The following KALRN variants were observed in gnomAD, a reference collection of about 807,000 sequenced individuals.
KALRN encodes kalirin RhoGEF kinase.
KALRN carries 70 observed loss-of-function variants against 353.7 expected under a neutral mutation model. The observed-to-expected ratio is 0.20, with a 90% CI of 0.16 to 0.24. The LOEUF (loss-of-function observed/expected upper bound fraction) is 0.24, where lower values mean the gene tolerates loss of function less well. KALRN is among the 10% of genes least tolerant of loss of function. The pLI is 1.00. For missense variants in KALRN, 2,791 were observed against 3,756.7 expected, an observed-to-expected ratio of 0.74 and a Z score of 6.72; for synonymous variants, 1,391 against 1,434.8, an observed-to-expected ratio of 0.97 and a Z score of 0.69.
intron 1 of KALRN, among the ~76,000 whole-genome samples, chr3:124,184,485 C>A (rs1241990423): frequency 3.9e-5 from 6 of 152,148 alleles, no homozygotes; most frequent in African/African-American, 1.4e-4. Flanking sequence ...TGATCCCCAG[C>A]CTCTTCCCCT....
At chr3:124,401,506 G>GA (rs1035224811) in intron 13 of KALRN, among the ~76,000 whole-genome samples, 28 of 152,012 alleles carry the variant, frequency 1.8e-4, no homozygotes, top group African/African-American at 6.5e-4. Flanking sequence ...CCCTGTCTCA[G>GA]AAAAAAATAA....
chr3:124,446,777 C>T lies in KALRN; in HGVS notation c.3444C>T (p.Ile1148=). ...TCCTCCCATAGGCGCTTGACTGGAT[C>T]CAAGAAACAGGTGAATTTTACCTCT... is the stretch of plus-strand genomic sequence containing the variant. The part of the protein sequence containing the change: ...ERSAKQALDW[I]QETGEFYLST... Residue 1148 remains isoleucine (I), a synonymous_variant, in exon 21 of 60, where the codon ATC becomes ATT. Coordinates refer to ENST00000682506, the MANE Select transcript of KALRN (RefSeq NM_001388419.1). 1 of 1,614,046 alleles carries T rather than the reference C, an allele frequency of 6.2e-7. No individual in the cohort carries two copies. Among genetic ancestry groups the T allele is most frequent in the South Asian group, 1.1e-5 (1 of 91,060 alleles).
At chr3:124,395,399 G>A (rs753813970) in intron 12 of KALRN, 56 bp downstream of exon 12, 62 of 1,449,560 alleles carry the variant, frequency 4.3e-5, no homozygotes, top group Non-Finnish European at 5.9e-5. Context: ...CGTGAGATAA[G>A]TCCTGTCCCA....
chr3:124,462,532 G>T lies in KALRN; in HGVS notation c.3930G>T (p.Leu1310=). The change falls in exon 25 of 60, where the codon CTG becomes CTT. Residue 1310 remains leucine, a synonymous_variant. Coordinates refer to ENST00000682506, the MANE Select transcript of KALRN (RefSeq NM_001388419.1). ...RDLHECLETY[L]WEMTSGVEEI... is the part of the protein sequence containing the mutation. ...CTGTTACTGTCTTACAGACCTACCT[G>T]TGGGAAATGACCAGTGGTGTGGAGG... 1 of 1,602,226 alleles carries T rather than the reference G, an allele frequency of 6.2e-7. No homozygotes were observed.
intron 33 of KALRN, among the ~76,000 whole-genome samples, chr3:124,549,370 CTCACACACACACAA>C (rs1335391730): frequency 1.3e-5 from 2 of 150,432 alleles, no homozygotes; most frequent in Non-Finnish European, 3.0e-5. Flanking sequence ...CACACATAAT[CTCACACACACACAA>C]TCACACACAC....
intron 34 of KALRN, among the ~76,000 whole-genome samples, chr3:124,567,165 G>A (rs1028613651): frequency 1.3e-5 from 2 of 152,184 alleles, no homozygotes; most frequent in African/African-American, 4.8e-5. Flanking sequence ...TCTGGATGGG[G>A]CCTGAGGGTC....
At chr3:124,548,182 A>G (rs2069959971) in intron 33 of KALRN, among the ~76,000 whole-genome samples, 1 of 152,180 alleles carries the variant, frequency 6.6e-6, no homozygotes, top group South Asian at 2.1e-4. Flanking sequence ...TCATAACTAC[A>G]GGGGAAGGGG....
intron 51 of KALRN, among the ~76,000 whole-genome samples, chr3:124,680,317 C>T (rs1302615233): frequency 6.6e-6 from 1 of 152,234 alleles, no homozygotes; most frequent in East Asian, 1.9e-4. Flanking sequence ...TTCCAACTCC[C>T]AGTCTGTTGG....
intron 1 of KALRN, among the ~76,000 whole-genome samples, chr3:124,139,423 AT>A (rs2066345646): frequency 6.6e-6 from 1 of 152,126 alleles, no homozygotes; most frequent in Non-Finnish European, 1.5e-5. Flanking sequence ...GTTTTAATGC[AT>A]TCATTTCTTT....
At chr3:124,578,626 G>A (rs1002813545) in intron 34 of KALRN, among the ~76,000 whole-genome samples, 4 of 152,138 alleles carry the variant, frequency 2.6e-5, no homozygotes, top group African/African-American at 7.2e-5. Flanking sequence ...TAGATTGGCC[G>A]GGCTTGGTGA....
At chr3:124,531,705 A>G (rs922353313) in intron 33 of KALRN, among the ~76,000 whole-genome samples, 2 of 152,182 alleles carry the variant, frequency 1.3e-5, no homozygotes, top group Non-Finnish European at 2.9e-5. Flanking sequence ...TTATCACAAG[A>G]ACAGCACAAA....
At chr3:124,442,355 C>T (rs924439148) in intron 19 of KALRN, among the ~76,000 whole-genome samples, 1 of 152,166 alleles carries the variant, frequency 6.6e-6, no homozygotes. Flanking sequence ...CCTGTATCTA[C>T]GCTGTGCAAT....
chr3:124,193,573 A>C (rs79418444), intron 1 of KALRN, among the ~76,000 whole-genome samples: 2 of 151,686 alleles, frequency 1.3e-5, no homozygotes. Flanking sequence ...CACTCCTACT[A>C]TACTCCTTTC....
chr3:124,117,748 G>C (rs1236986671), intron 1 of KALRN, among the ~76,000 whole-genome samples: 1 of 152,168 alleles, frequency 6.6e-6, no homozygotes, highest in Non-Finnish European at 1.5e-5. Context: ...TGGTGGCCAA[G>C]AAGGCTGTTG....
At chr3:124,118,078 A>G (rs2063615669) in intron 1 of KALRN, among the ~76,000 whole-genome samples, 1 of 152,188 alleles carries the variant, frequency 6.6e-6, no homozygotes, top group Non-Finnish European at 1.5e-5. Flanking sequence ...GGGATCATCC[A>G]GGAAACCTCC....
At chr3:124,561,565 G>C (rs1284372946) in intron 33 of KALRN, among the ~76,000 whole-genome samples, 3 of 152,210 alleles carry the variant, frequency 2.0e-5, no homozygotes, top group Admixed American at 2.0e-4. Flanking sequence ...CACTGTGTAT[G>C]CCACTGGGCA....
intron 1 of KALRN, among the ~76,000 whole-genome samples, chr3:124,090,007 C>T (rs1450323316): frequency 6.6e-6 from 1 of 152,142 alleles, no homozygotes; most frequent in Non-Finnish European, 1.5e-5. Flanking sequence ...ATGAGGTTGT[C>T]ATGGTACTTT....
rs940747086 is a variant in KALRN at position 124,496,274 on chromosome 3, C to T, written c.4833-37C>T. 11 of 1,527,636 alleles carry T rather than the reference C, an allele frequency of 7.2e-6. No homozygotes were observed. In the African/African-American group the frequency reaches 1.1e-4, roughly 15 times the overall value. 94.6% of individuals were successfully genotyped at this position (1,527,636 alleles called of 1,614,324 possible). A position where few individuals can be genotyped will look rare whatever the true frequency, so the allele number is the denominator to read the frequency against. On this transcript the variant is annotated intron_variant, in intron 32 of 59. Coordinates refer to ENST00000682506, the MANE Select transcript of KALRN (RefSeq NM_001388419.1). ...GCTCTAAACCCACAGTGGTTCCCCC[C>T]ACCCCCACCCCTGTTTTTTTTCTCT... is the stretch of plus-strand genomic sequence containing the variant.
chr3:124,424,191 C>A (rs1290220567), intron 15 of KALRN, among the ~76,000 whole-genome samples: 1 of 152,210 alleles, frequency 6.6e-6, no homozygotes, highest in Non-Finnish European at 1.5e-5. Flanking sequence ...CACATCACTC[C>A]TGTGGTTGCC....
Sources: gnomAD v4.1 joint callset for allele counts (sites outside exome capture counted in the v4.1 genomes callset) on GRCh38, gnomAD v4.1.1 for gene constraint, MANE v1.5 for transcripts, NCBI Gene and HGNC (gene_info 2026-07-23, HGNC 2026-07-21) for gene names.